The following CHRNA4 variants were observed in gnomAD, a reference collection of about 807,000 sequenced individuals.
CHRNA4 encodes neuronal acetylcholine receptor subunit alpha-4.
Under a neutral mutation model 48.9 loss-of-function variants are expected in CHRNA4, and 28 were observed. That is an observed-to-expected ratio of 0.57 (90% CI 0.42 to 0.79). CHRNA4 has a LOEUF of 0.79. Ranked by LOEUF, CHRNA4 falls within the 30% of genes least tolerant of loss-of-function variation. The pLI is 0.00. For missense variants in CHRNA4, 859 were observed against 898.4 expected, an observed-to-expected ratio of 0.96 and a Z score of 0.56; for synonymous variants, 425 against 402.3, an observed-to-expected ratio of 1.06 and a Z score of -0.68.
intron 2 of CHRNA4, among the ~76,000 whole-genome samples, chr20:63,357,662 G>A (rs1349862266): frequency 1.8e-4 from 10 of 55,848 alleles, no homozygotes; most frequent in Non-Finnish European, 5.9e-4. Flanking sequence ...CCCCTGGTGG[G>A]ACGGGCAGAG....
At chr20:63,354,281 G>T (rs146960965) in intron 4 of CHRNA4, among the ~76,000 whole-genome samples, 1,217 of 91,772 alleles carry the variant, frequency 0.013, 73 homozygotes, top group East Asian at 0.019. Flanking sequence ...AGTCCTGGGG[G>T]GCTGTGGTCC....
chr20:63,349,474 AC>A lies in CHRNA4; in HGVS notation c.1758+178del. Reference sequence around the variant, plus strand: ...GGCCCCCTGCCCCGCTCAGCCTGGGACCTGCGGCCACATAGCAGGCTTGGGA... The same window carrying A: ...GGCCCCCTGCCCCGCTCAGCCTGGGACTGCGGCCACATAGCAGGCTTGGGA... On this transcript the variant is annotated intron_variant, in intron 5 of 5. Coordinates refer to ENST00000370263, the MANE Select transcript of CHRNA4 (RefSeq NM_000744.7). 3.7e-6 allele frequency: 3 copies of A among 811,136 alleles called. No homozygotes were observed. The East Asian group carries it at 8.0e-5, about 22-fold the overall frequency. The allele number at this position is 811,136 out of a possible 1,614,324, so 50.2% of individuals were successfully genotyped here. A position where few individuals can be genotyped will look rare whatever the true frequency, so the allele number is the denominator to read the frequency against.
chr20:63,351,126 CCCA>C (rs1449663787), intron 4 of CHRNA4, 99 bp from the exon 5 acceptor site: 1 of 1,319,320 alleles, frequency 7.6e-7, no homozygotes, highest in Non-Finnish European at 1.0e-6. Context: ...CACACCCACA[CCCA>C]CATCCACGCC....
In CHRNA4 at chr20:63,345,670, C is replaced by G; in HGVS notation, c.*1068G>C. 2 of 453,936 alleles carry G rather than the reference C, an allele frequency of 4.4e-6. No homozygotes were observed. The highest frequency in any genetic ancestry group is 8.8e-6 in the Non-Finnish European group (2 of 226,674). 28.1% of individuals were successfully genotyped at this position (453,936 alleles called of 1,614,324 possible). A position where few individuals can be genotyped will look rare whatever the true frequency, so the allele number is the denominator to read the frequency against. ...GAGGCTTCTCAGGGACTTCCTGCCC[C>G]GAGGGTCCCAGCATCTCCCAGGTGG... On this transcript the variant is annotated 3_prime_UTR_variant, in exon 6 of 6. Transcript: ENST00000370263. This position sits in a 1 kb window ranked among gnomAD's most constrained non-coding sequence, Gnocchi z 5.4.
At chr20:63,356,238 G>A (rs1195210821) in intron 3 of CHRNA4, 133 bp downstream of exon 3, 2 of 805,892 alleles carry the variant, frequency 2.5e-6, no homozygotes, top group South Asian at 1.5e-5. Flanking sequence ...GCCAGGGTGG[G>A]GCAGCAGGGT....
At chr20:63,353,982 C>A in intron 4 of CHRNA4, among the ~76,000 whole-genome samples, 2 of 22,798 alleles carry the variant, frequency 8.8e-5, no homozygotes, top group African/African-American at 1.7e-4. Flanking sequence ...GGTCTGTGGT[C>A]CTGGGGGGCT....
chr20:63,355,965 G>C lies in CHRNA4; in HGVS notation c.383+10C>G. ...CCCTGTAGAGGACTCACTTGTTGTA[G>C]AGGACTCACTTGTTGTAGAGGACGA... On this transcript the variant is annotated intron_variant, in intron 4 of 5. Coordinates refer to ENST00000370263, the MANE Select transcript of CHRNA4 (RefSeq NM_000744.7). 1 of 1,611,916 alleles carries C rather than the reference G, an allele frequency of 6.2e-7. No homozygotes were observed. The highest frequency in any genetic ancestry group is 8.5e-7 in the Non-Finnish European group (1 of 1,179,500).
Position 63,346,732 on chromosome 20 carries a change from C to G in CHRNA4, c.*6G>C. 6.2e-7 allele frequency: 1 copy of G among 1,607,004 alleles called. No individual in the cohort carries two copies. Among genetic ancestry groups the G allele is most frequent in the Non-Finnish European group, 8.5e-7 (1 of 1,178,974 alleles). ...GCCCCAGGCCACGCAGGCTCCCGGT[C>G]CCTTCCTAGATCATGCCAGCCAGCC... On this transcript the variant is annotated 3_prime_UTR_variant, in exon 6 of 6. Transcript: ENST00000370263.
Position 63,345,809 on chromosome 20 carries a change from C to T in CHRNA4, c.*929G>A. 3 of 445,452 alleles carry T rather than the reference C, an allele frequency of 6.7e-6. No homozygotes were observed. Among genetic ancestry groups the T allele is most frequent in the East Asian group, 7.1e-5 (1 of 14,128 alleles). 27.6% of individuals were successfully genotyped at this position (445,452 alleles called of 1,614,324 possible). A position where few individuals can be genotyped will look rare whatever the true frequency, so the allele number is the denominator to read the frequency against. ...CGGGCTGCGCGCCAAGGTGGAAACC[C>T]TCAGGGTCCTGGGGGAACCAGGGCC... On this transcript the variant is annotated 3_prime_UTR_variant, in exon 6 of 6. Coordinates refer to ENST00000370263, the MANE Select transcript of CHRNA4 (RefSeq NM_000744.7). This position sits in a 1 kb window ranked among gnomAD's most constrained non-coding sequence, Gnocchi z 5.4.
At chr20:63,349,525 G>A (rs1377106176) in intron 5 of CHRNA4, 128 bp downstream of exon 5, 10 of 1,210,090 alleles carry the variant, frequency 8.3e-6, no homozygotes, top group Admixed American at 3.5e-5. Flanking sequence ...CAGGGGCCAC[G>A]CCCTGCACCC....
chr20:63,343,504 C>G lies in CHRNA4; in HGVS notation c.*3234G>C, dbSNP rs1270568949. 2.2e-6 allele frequency: 1 copy of G among 454,180 alleles called. No individual in the cohort carries two copies. The highest frequency in any genetic ancestry group is 4.4e-6 in the Non-Finnish European group (1 of 226,800). 28.1% of individuals were successfully genotyped at this position (454,180 alleles called of 1,614,324 possible). ...GACACCTAACCCAGCAGTCCCACAG[C>G]AGCTGCGTGCCCTAGAGTGTCCTGG... On this transcript the variant is annotated 3_prime_UTR_variant, in exon 6 of 6. Transcript: ENST00000370263.
chr20:63,352,505 G>A (rs570917825), intron 4 of CHRNA4, among the ~76,000 whole-genome samples: 7 of 152,260 alleles, frequency 4.6e-5, no homozygotes, highest in Non-Finnish European at 7.4e-5. Flanking sequence ...ATGCGGCTCC[G>A]GCCCAGCACA....
rs200489905 is a variant in CHRNA4 at position 63,344,038 on chromosome 20, C to T, written c.*2700G>A. On this transcript the variant is annotated 3_prime_UTR_variant, in exon 6 of 6. Transcript: ENST00000370263. This position sits in a 1 kb window ranked among gnomAD's most constrained non-coding sequence, Gnocchi z 4.5. The stretch of plus-strand genomic sequence containing the variant: ...CACCGGCACCTCCATTCCTAATCAC[C>T]GACAGCTGCAAGCAAAGTCCACTAA... 5.5e-5 allele frequency: 25 copies of T among 453,986 alleles called. No individual in the cohort carries two copies. Among genetic ancestry groups the T allele is most frequent in the Middle Eastern group, 6.8e-4 (1 of 1,466 alleles). 28.1% of individuals were successfully genotyped at this position (453,986 alleles called of 1,614,324 possible). A position where few individuals can be genotyped will look rare whatever the true frequency, so the allele number is the denominator to read the frequency against.
chr20:63,349,847 G>C lies in CHRNA4; in HGVS notation c.1564C>G (p.Pro522Ala), dbSNP rs1057521949. ...TTGCACGGAGAGGGCTGGTCTGGGG[G>C]TGGGAGCTCAGCCGAGTGGGTGTTG... ...SRNTHSAELPPPDQPSPCKCT... is the reference protein window; with the variant it reads ...SRNTHSAELPAPDQPSPCKCT... The change falls in exon 5 of 6, where the codon CCC becomes GCC. Residue 522 changes from proline to alanine, a missense_variant. Transcript: ENST00000370263. 1.3e-6 allele frequency: 2 copies of C among 1,597,812 alleles called. No individual in the cohort carries two copies. The highest frequency in any genetic ancestry group is 1.7e-5 in the Admixed American group (1 of 59,108).
intron 4 of CHRNA4, among the ~76,000 whole-genome samples, chr20:63,353,458 T>A (rs2068646328): frequency 9.1e-6 from 1 of 109,326 alleles, no homozygotes; most frequent in African/African-American, 3.5e-5. Context: ...TAGGGGGCTG[T>A]GGTCCTAGGG....
intron 2 of CHRNA4, chr20:63,356,657 A>T: frequency 1.7e-6 from 1 of 588,952 alleles, no homozygotes; most frequent in Non-Finnish European, 3.0e-6. Context: ...ACTGGAGAGG[A>T]GTCGGCGGCC....
chr20:63,359,515 G>A, intron 2 of CHRNA4, 33 bp downstream of exon 2: 1 of 1,612,174 alleles, frequency 6.2e-7, no homozygotes, highest in Non-Finnish European at 8.5e-7. Context: ...GGCGACCTCA[G>A]TCACAGTGCA....
chr20:63,359,901 G>GTA (rs2044498928), intron 1 of CHRNA4: 19 of 298,960 alleles, frequency 6.4e-5, no homozygotes, highest in South Asian at 2.9e-4. Flanking sequence ...CGTGTGCTGT[G>GTA]TGTGTGTGTG....
At chr20:63,357,866 C>T (rs567876272) in intron 2 of CHRNA4, among the ~76,000 whole-genome samples, 42 of 152,268 alleles carry the variant, frequency 2.8e-4, no homozygotes, top group African/African-American at 9.1e-4. Flanking sequence ...GTGGGCAGCT[C>T]TGGGAGTCTT....
Sources: gnomAD v4.1 joint callset for allele counts (sites outside exome capture counted in the v4.1 genomes callset) on GRCh38, gnomAD v4.1.1 for gene constraint, Gnocchi (gnomAD v3.1) non-coding constraint, MANE v1.5 for transcripts, NCBI Gene and HGNC (gene_info 2026-07-23, HGNC 2026-07-21) for gene names.